PCDH15: variants seen among roughly 807,000 people sequenced by gnomAD.
PCDH15 encodes protocadherin-15.
A neutral mutation model predicts 178.5 loss-of-function variants in PCDH15; 129 were observed. The ratio of observed to expected loss-of-function variants is 0.72; its 90% CI spans 0.63 to 0.84. PCDH15 has a LOEUF of 0.84. Ranked by LOEUF, PCDH15 falls within the 40% of genes least tolerant of loss-of-function variation. The pLI, the probability that PCDH15 is intolerant of heterozygous loss-of-function variation, is 0.00. For synonymous variants in PCDH15, 800 were observed against 732.0 expected, an observed-to-expected ratio of 1.09 and a Z score of -1.50; for missense variants, 2,230 against 2,099.9, an observed-to-expected ratio of 1.06 and a Z score of -1.21.
At chr10:54,620,704 T>A (rs1262006664) in intron 2 of PCDH15, among the ~76,000 whole-genome samples, 1 of 152,100 alleles carries the variant, frequency 6.6e-6, no homozygotes, top group Non-Finnish European at 1.5e-5. Flanking sequence ...TAACTTTTAC[T>A]GTAAAACTCT....
intron 2 of PCDH15, among the ~76,000 whole-genome samples, chr10:54,971,506 A>G (rs1838930162): frequency 6.6e-6 from 1 of 152,206 alleles, no homozygotes; most frequent in Admixed American, 6.5e-5. Flanking sequence ...TTCTGTATAA[A>G]TTACCCATCT....
chr10:54,847,295 G>C (rs1953533839), intron 3 of PCDH15, among the ~76,000 whole-genome samples: 1 of 152,066 alleles, frequency 6.6e-6, no homozygotes, highest in African/African-American at 2.4e-5. Flanking sequence ...TATAAAAATA[G>C]ACTTGCAGTA....
At chr10:54,430,798 C>A (rs1191418280) in intron 3 of PCDH15, among the ~76,000 whole-genome samples, 1 of 150,666 alleles carries the variant, frequency 6.6e-6, no homozygotes, top group African/African-American at 2.4e-5. Context: ...ATGAAGAAAA[C>A]AATACAAAAG....
chr10:55,380,704 G>A (rs1837512311), intron 2 of PCDH15, among the ~76,000 whole-genome samples: 1 of 152,024 alleles, frequency 6.6e-6, no homozygotes, highest in Non-Finnish European at 1.5e-5. Flanking sequence ...AGGGACAAGG[G>A]GCCAAGAATG....
chr10:55,434,284 C>A (rs1838976836), intron 2 of PCDH15, among the ~76,000 whole-genome samples: 1 of 151,744 alleles, frequency 6.6e-6, no homozygotes, highest in African/African-American at 2.4e-5. Flanking sequence ...TCTCGATCTC[C>A]TGACCTCGTG....
At chr10:55,070,071 G>A (rs1297822881) in intron 2 of PCDH15, among the ~76,000 whole-genome samples, 1 of 151,210 alleles carries the variant, frequency 6.6e-6, no homozygotes, top group Non-Finnish European at 1.5e-5. Context: ...CTGCATAAAT[G>A]TCTTCTTTTG....
chr10:53,826,822 G>T (rs1037354324), intron 32 of PCDH15, among the ~76,000 whole-genome samples: 7 of 152,142 alleles, frequency 4.6e-5, no homozygotes, highest in African/African-American at 1.4e-4. Context: ...TTTCTAAGTA[G>T]TTGGGAATTT....
intron 37 of PCDH15, 130 bp downstream of exon 37, chr10:53,810,426 T>C (rs1253957378): frequency 3.9e-6 from 3 of 763,540 alleles, no homozygotes; most frequent in African/African-American, 1.7e-5. Context: ...ACTGTGAAAT[T>C]TCTATGGGAA....
At chr10:54,261,078 A>T (rs2057285139) in intron 8 of PCDH15, among the ~76,000 whole-genome samples, 1 of 152,210 alleles carries the variant, frequency 6.6e-6, no homozygotes, top group Non-Finnish European at 1.5e-5. Context: ...TTGTGGTCTT[A>T]GTCTCTTAGA....
chr10:54,905,449 A>G (rs907390436), intron 2 of PCDH15, among the ~76,000 whole-genome samples: 5 of 152,148 alleles, frequency 3.3e-5, no homozygotes, highest in African/African-American at 1.2e-4. Context: ...ATGCTGTCAA[A>G]GAAATAGAAT....
chr10:55,376,842 T>C (rs929796687), intron 2 of PCDH15, among the ~76,000 whole-genome samples: 1 of 152,070 alleles, frequency 6.6e-6, no homozygotes, highest in Non-Finnish European at 1.5e-5. Flanking sequence ...ATTGTGGCTT[T>C]ACTTTTACTA....
At chr10:54,096,553 G>T (rs890022966) in intron 15 of PCDH15, among the ~76,000 whole-genome samples, 1 of 152,048 alleles carries the variant, frequency 6.6e-6, no homozygotes, top group African/African-American at 2.4e-5. Flanking sequence ...TTGTATTTCA[G>T]TTCTGGGGCT....
intron 3 of PCDH15, among the ~76,000 whole-genome samples, chr10:54,833,467 G>C (rs145996760): frequency 1.9e-3 from 285 of 152,266 alleles, no homozygotes; most frequent in African/African-American, 6.5e-3. Context: ...AAAGACTAAG[G>C]TTACTGAAGA....
chr10:55,085,320 C>CTCT (rs1842140642), intron 2 of PCDH15, among the ~76,000 whole-genome samples: 1 of 151,858 alleles, frequency 6.6e-6, no homozygotes, highest in Non-Finnish European at 1.5e-5. Context: ...AACAATTGAA[C>CTCT]TCATGGAGAC....
intron 22 of PCDH15, 41 bp from the exon 23 acceptor site, chr10:53,959,885 A>G (rs1298046468): frequency 6.7e-7 from 1 of 1,491,486 alleles, no homozygotes; most frequent in South Asian, 1.1e-5. Flanking sequence ...ATTATAAGTA[A>G]GAACAGCGTA....
chr10:55,445,484 A>G (rs565117008), intron 2 of PCDH15, among the ~76,000 whole-genome samples: 1 of 152,260 alleles, frequency 6.6e-6, no homozygotes, highest in Admixed American at 6.6e-5. Flanking sequence ...TTTAAAAGAA[A>G]TATTAATAGT....
intron 2 of PCDH15, among the ~76,000 whole-genome samples, chr10:55,149,923 C>T (rs1026275636): frequency 6.6e-6 from 1 of 151,858 alleles, no homozygotes; most frequent in African/African-American, 2.4e-5. Context: ...CACTGAGGGC[C>T]TTCACCTGAA....
intron 2 of PCDH15, among the ~76,000 whole-genome samples, chr10:55,618,079 G>C (rs915200607): frequency 1.3e-5 from 2 of 151,944 alleles, no homozygotes; most frequent in African/African-American, 2.4e-5. Flanking sequence ...TTTTCAACAA[G>C]TTAGTGACAT....
At chr10:54,016,172 C>T (rs531552771) in intron 20 of PCDH15, among the ~76,000 whole-genome samples, 2 of 151,930 alleles carry the variant, frequency 1.3e-5, no homozygotes, top group South Asian at 4.2e-4. Context: ...AAAAAATGCT[C>T]ATCATCACTA....
Sources: allele counts gnomAD v4.1 joint callset (sites outside exome capture counted in the v4.1 genomes callset), GRCh38; gene constraint gnomAD v4.1.1; transcripts MANE v1.5; gene names NCBI Gene and HGNC (gene_info 2026-07-23, HGNC 2026-07-21).